The following TRAPPC9 variants were observed in gnomAD, a reference collection of about 807,000 sequenced individuals.
TRAPPC9 encodes IKK2 binding protein.
TRAPPC9 carries 83 observed loss-of-function variants against 124.0 expected under a neutral mutation model. The observed-to-expected ratio is 0.67, with a 90% CI of 0.56 to 0.80. The LOEUF is 0.80. Among genes scored for constraint, TRAPPC9 ranks in the 30% least tolerant of loss-of-function variants. The pLI, the probability that TRAPPC9 is intolerant of heterozygous loss-of-function variation, is 0.00. For missense variants in TRAPPC9, 1,302 were observed against 1,508.3 expected, an observed-to-expected ratio of 0.86 and a Z score of 2.27; for synonymous variants, 638 against 617.5, an observed-to-expected ratio of 1.03 and a Z score of -0.49.
chr8:139,989,813 G>A lies in TRAPPC9; in HGVS notation c.2700-977C>T, dbSNP rs144165156. On this transcript the variant is annotated intron_variant, in intron 18 of 22. Coordinates refer to ENST00000438773, the MANE Select transcript of TRAPPC9 (RefSeq NM_001160372.4). Reference sequence around the variant, plus strand: ...AGCCCCAAACGCGCCGTCCGTGTCCGTCACCATCTGATAGGTTAACGTCAC... The same window carrying A: ...AGCCCCAAACGCGCCGTCCGTGTCCATCACCATCTGATAGGTTAACGTCAC... Among the ~76,000 whole-genome samples the A allele has an allele frequency of 5.9e-5, 9 of 152,260 alleles. No homozygotes were observed. In the East Asian group the frequency reaches 1.4e-3, roughly 23 times the overall value.
intron 3 of TRAPPC9, among the ~76,000 whole-genome samples, chr8:140,435,841 T>A: frequency 6.6e-6 from 1 of 152,198 alleles, no homozygotes; most frequent in Non-Finnish European, 1.5e-5. Context: ...CTATGCCACA[T>A]GCCTTAGAAG....
At chr8:140,245,706 T>A (rs1047411258) in intron 16 of TRAPPC9, among the ~76,000 whole-genome samples, 1 of 152,160 alleles carries the variant, frequency 6.6e-6, no homozygotes, top group Non-Finnish European at 1.5e-5. Flanking sequence ...TGTGTCCCCG[T>A]GGTGTAGTTT....
intron 19 of TRAPPC9, among the ~76,000 whole-genome samples, chr8:139,952,056 C>T (rs1401613260): frequency 6.6e-6 from 1 of 152,158 alleles, no homozygotes; most frequent in Non-Finnish European, 1.5e-5. Context: ...AGGAAATAAT[C>T]ATCTCCTCAA....
chr8:140,203,357 C>G (rs2062839543), intron 17 of TRAPPC9, among the ~76,000 whole-genome samples: 1 of 152,174 alleles, frequency 6.6e-6, no homozygotes, highest in African/African-American at 2.4e-5. Context: ...AAATTTCTCT[C>G]CTTTCATTTT....
At chr8:140,412,737 T>A (rs1375626634) in intron 5 of TRAPPC9, among the ~76,000 whole-genome samples, 2 of 152,324 alleles carry the variant, frequency 1.3e-5, no homozygotes, top group South Asian at 2.1e-4. Context: ...AAGTTTTAAA[T>A]TATTTCAAAA....
intron 21 of TRAPPC9, among the ~76,000 whole-genome samples, chr8:139,797,113 G>A (rs1320369589): frequency 1.3e-5 from 2 of 151,868 alleles, no homozygotes; most frequent in Admixed American, 1.3e-4. Context: ...TTTTACTGTT[G>A]AGTCGAAAGA....
chr8:139,966,784 G>A (rs970332671), intron 19 of TRAPPC9, among the ~76,000 whole-genome samples: 1 of 152,174 alleles, frequency 6.6e-6, no homozygotes, highest in Middle Eastern at 3.2e-3. Context: ...GAGTACACAC[G>A]TGCATCAATA....
At chr8:139,853,638 T>TAA in intron 21 of TRAPPC9, among the ~76,000 whole-genome samples, 1 of 152,142 alleles carries the variant, frequency 6.6e-6, no homozygotes, top group African/African-American at 2.4e-5. Context: ...GCCTAAGCTC[T>TAA]AAAAAAAACA....
At chr8:140,375,393 A>G (rs932681212) in intron 7 of TRAPPC9, among the ~76,000 whole-genome samples, 3 of 152,220 alleles carry the variant, frequency 2.0e-5, no homozygotes, top group African/African-American at 4.8e-5. Context: ...AGGGATCCAA[A>G]TATTAACTCA....
rs148796595 is a variant in TRAPPC9, at chr8:139,935,119, A to C, written c.2811-24819T>G. ...TCATGGGAGCCCCGAAAGACCAGAC[A>C]AGACATCACCGTGCGAGAGAAGGTG... On this transcript the variant is annotated intron_variant, in intron 19 of 22. Coordinates refer to ENST00000438773, the MANE Select transcript of TRAPPC9 (RefSeq NM_001160372.4). 7.0e-4 allele frequency among the ~76,000 whole-genome samples: 107 copies of C among 152,236 alleles called. 1 individual carries two copies. The East Asian group carries it at 0.02, about 28-fold the overall frequency.
intron 6 of TRAPPC9, 197 bp downstream of exon 6, chr8:140,405,380 A>C (rs141338153): frequency 2.7e-4 from 146 of 541,570 alleles, no homozygotes; most frequent in African/African-American, 2.5e-3. Flanking sequence ...TTCCAAATTT[A>C]TTATACTAAA....
Position 140,319,024 on chromosome 8 carries a change from C to T in TRAPPC9, c.1496-7650G>A, listed in dbSNP as rs557389599. Among the ~76,000 whole-genome samples the T allele has an allele frequency of 2.7e-4, 41 of 152,278 alleles. 1 individual carries two copies. In the South Asian group the frequency reaches 5.4e-3, roughly 20 times the overall value. On this transcript the variant is annotated intron_variant, in intron 9 of 22. Transcript: ENST00000438773. ...AAGCTTGTGAAAAATTTGACATGTTCACAGCATATGATTTGGTTAGTGGGA... is the reference window on the plus strand; with the variant it reads ...AAGCTTGTGAAAAATTTGACATGTTTACAGCATATGATTTGGTTAGTGGGA...
At chr8:140,386,306 T>C (rs2068754240) in intron 7 of TRAPPC9, among the ~76,000 whole-genome samples, 1 of 152,176 alleles carries the variant, frequency 6.6e-6, no homozygotes, top group South Asian at 2.1e-4. Context: ...TAGTTGGAAG[T>C]TCTGGCCAGG....
intron 7 of TRAPPC9, among the ~76,000 whole-genome samples, chr8:140,393,379 T>A (rs1213157146): frequency 6.6e-6 from 1 of 152,184 alleles, no homozygotes; most frequent in Non-Finnish European, 1.5e-5. Flanking sequence ...ACTTCACTAT[T>A]TGCTTGTAAA....
At chr8:140,396,672 C>T (rs1206307444) in intron 7 of TRAPPC9, among the ~76,000 whole-genome samples, 1 of 151,952 alleles carries the variant, frequency 6.6e-6, no homozygotes, top group East Asian at 1.9e-4. Flanking sequence ...TCATGCTGAG[C>T]CATTTTCTTC....
chr8:140,446,442 T>C (rs542343603), intron 2 of TRAPPC9, among the ~76,000 whole-genome samples: 2 of 152,318 alleles, frequency 1.3e-5, no homozygotes, highest in South Asian at 2.1e-4. Context: ...TGGTCACTTA[T>C]ACAGGGCCTT....
chr8:140,351,384 T>C (rs566308383), intron 9 of TRAPPC9, among the ~76,000 whole-genome samples: 1 of 152,026 alleles, frequency 6.6e-6, no homozygotes, highest in South Asian at 2.1e-4. Flanking sequence ...AGTTTTTTTT[T>C]TTCCTTCCCT....
intron 10 of TRAPPC9, among the ~76,000 whole-genome samples, chr8:140,308,276 A>C (rs989769711): frequency 6.6e-6 from 1 of 151,676 alleles, no homozygotes; most frequent in African/African-American, 2.4e-5. Flanking sequence ...AGGCCCTGCA[A>C]GCCATGCAAA....
chr8:140,239,766 A>G (rs1229713943), intron 16 of TRAPPC9, among the ~76,000 whole-genome samples: 2 of 152,250 alleles, frequency 1.3e-5, no homozygotes, highest in East Asian at 1.9e-4. Flanking sequence ...CGTTTGTGGG[A>G]AAAACTCAGG....
Sources: gnomAD v4.1 joint callset for allele counts (sites outside exome capture counted in the v4.1 genomes callset) on GRCh38, gnomAD v4.1.1 for gene constraint, MANE v1.5 for transcripts, NCBI Gene and HGNC (gene_info 2026-07-23, HGNC 2026-07-21) for gene names.